Variants in FHIT observed in about 807,000 individuals in gnomAD.
FHIT encodes the protein bis(5'-adenosyl)-triphosphatase.
FHIT carries 19 observed loss-of-function variants against 17.9 expected under a neutral mutation model. The ratio of observed to expected loss-of-function variants is 1.06; its 90% confidence interval spans 0.74 to 1.56. FHIT has a LOEUF of 1.56. Among genes scored for constraint, FHIT ranks in the 40% most tolerant of loss-of-function variants. The probability of loss-of-function intolerance (pLI) is 0.00; values close to 1 mark genes in which losing one functional copy is unlikely to be tolerated. For synonymous variants in FHIT, 81 were observed against 69.7 expected (o/e 1.16, Z -0.81); for missense variants, 248 against 189.2 (o/e 1.31, Z -1.82).
At chr3:61,026,495 C>T (rs961073083) in intron 3 of FHIT, among the ~76,000 whole-genome samples, 7 of 152,132 alleles carry the variant, frequency 4.6e-5, no homozygotes, top group Admixed American at 3.9e-4. Context: ...CACTTTTTTT[C>T]GCCAGCCTTA....
At chr3:60,631,595 A>T (rs1214988952) in intron 4 of FHIT, among the ~76,000 whole-genome samples, 1 of 152,126 alleles carries the variant, frequency 6.6e-6, no homozygotes, top group African/African-American at 2.4e-5. Flanking sequence ...TGGCAGGGGG[A>T]GGGGAGATAA....
At chr3:61,207,636 G>A (rs185716851) in intron 1 of FHIT, among the ~76,000 whole-genome samples, 2 of 152,158 alleles carry the variant, frequency 1.3e-5, no homozygotes, top group Non-Finnish European at 2.9e-5. Flanking sequence ...TCTGATGGTA[G>A]TTTGTATTTC....
At chr3:59,936,691 G>T (rs755084492) in intron 7 of FHIT, among the ~76,000 whole-genome samples, 4 of 152,028 alleles carry the variant, frequency 2.6e-5, no homozygotes, top group Non-Finnish European at 5.9e-5. Flanking sequence ...GTCCAAAGGG[G>T]AAAAAATGTT....
chr3:60,145,674 A>C (rs1283432857), intron 5 of FHIT, among the ~76,000 whole-genome samples: 2 of 152,200 alleles, frequency 1.3e-5, no homozygotes, highest in Non-Finnish European at 2.9e-5. Flanking sequence ...AGTTTGACTC[A>C]ACTGACTATT....
At chr3:60,652,727 C>CAAAA (rs782637479) in intron 4 of FHIT, among the ~76,000 whole-genome samples, 7 of 58,996 alleles carry the variant, frequency 1.2e-4, no homozygotes, top group African/African-American at 2.5e-4. Context: ...GACTCCATCT[C>CAAAA]AAAAAAAAAA....
chr3:59,875,941 A>C (rs948770700), intron 8 of FHIT, among the ~76,000 whole-genome samples: 7 of 131,370 alleles, frequency 5.3e-5, no homozygotes, highest in African/African-American at 2.1e-4. Flanking sequence ...TGTTTGATAA[A>C]AAAAGAAAAA....
At chr3:60,064,110 T>C (rs1702402194) in intron 5 of FHIT, among the ~76,000 whole-genome samples, 1 of 152,172 alleles carries the variant, frequency 6.6e-6, no homozygotes, top group South Asian at 2.1e-4. Context: ...GGCCAGCATG[T>C]CAGAGAAGAG....
At chr3:60,049,949 T>C (rs1008859262) in intron 5 of FHIT, among the ~76,000 whole-genome samples, 7 of 152,186 alleles carry the variant, frequency 4.6e-5, no homozygotes, top group African/African-American at 1.7e-4. Context: ...TCCTCACTAA[T>C]ACTTATTATG....
chr3:61,106,803 G>A (rs759429547), intron 2 of FHIT, among the ~76,000 whole-genome samples: 6 of 152,074 alleles, frequency 3.9e-5, no homozygotes, highest in Non-Finnish European at 7.4e-5. Context: ...TGGGACTACC[G>A]GCATGAGCCA....
intron 2 of FHIT, among the ~76,000 whole-genome samples, chr3:61,124,654 T>C (rs2036556801): frequency 6.6e-6 from 1 of 152,190 alleles, no homozygotes; most frequent in African/African-American, 2.4e-5. Flanking sequence ...CAAATACTCT[T>C]TCGCGATATA....
intron 3 of FHIT, among the ~76,000 whole-genome samples, chr3:60,983,796 C>T (rs1364964406): frequency 6.6e-6 from 1 of 152,156 alleles, no homozygotes; most frequent in Non-Finnish European, 1.5e-5. Flanking sequence ...AGCTTGCACT[C>T]ATGGCAGACA....
chr3:60,189,505 C>G lies in FHIT; in HGVS notation c.104-175353G>C, dbSNP rs213426. ...GCTGAATGCTACAACTCCGCCCTAC[C>G]CCCATTCTTCCTTCCTTCTTATAAG... On this transcript the variant is annotated intron_variant, in intron 5 of 9. Coordinates refer to ENST00000492590, the MANE Select transcript of FHIT (RefSeq NM_002012.4). Among the ~76,000 whole-genome samples, 7 of 152,054 alleles carry G rather than the reference C, an allele frequency of 4.6e-5. No homozygotes were observed. The East Asian group carries it at 1.4e-3, about 29-fold the overall frequency.
At chr3:59,953,238 G>C (rs1707212737) in intron 7 of FHIT, among the ~76,000 whole-genome samples, 1 of 151,568 alleles carries the variant, frequency 6.6e-6, no homozygotes, top group Non-Finnish European at 1.5e-5. Context: ...CTCTTTCTTG[G>C]TTTCTCTGTG....
rs554775986 is a variant in FHIT, at chr3:60,555,260, C to CA, written c.-17-18282dup. On this transcript the variant is annotated intron_variant, in intron 4 of 9. Transcript: ENST00000492590. Reference sequence around the variant, plus strand: ...TCGGTTAAAGGAAATCATAAAAAGTCAAACTATAGCCTCTGTGTTATGTCC... The same window carrying CA: ...TCGGTTAAAGGAAATCATAAAAAGTCAAAACTATAGCCTCTGTGTTATGTCC... Among the ~76,000 whole-genome samples the CA allele has an allele frequency of 7.9e-5, 12 of 152,324 alleles. No homozygotes were observed. The South Asian group carries it at 2.1e-3, about 26-fold the overall frequency.
At chr3:59,937,376 C>T (rs1265137448) in intron 7 of FHIT, among the ~76,000 whole-genome samples, 3 of 152,104 alleles carry the variant, frequency 2.0e-5, no homozygotes, top group African/African-American at 4.8e-5. Flanking sequence ...CTCTGCAGAG[C>T]GGTGATGAAA....
chr3:60,798,293 A>G (rs1295757067), intron 4 of FHIT, among the ~76,000 whole-genome samples: 27 of 152,222 alleles, frequency 1.8e-4, no homozygotes, highest in Admixed American at 1.7e-3. Flanking sequence ...AGAAAAAATA[A>G]CTTAATTGGA....
chr3:61,033,645 C>A (rs1216300103), intron 3 of FHIT, among the ~76,000 whole-genome samples: 1 of 151,948 alleles, frequency 6.6e-6, no homozygotes, highest in Admixed American at 6.6e-5. Flanking sequence ...AGGAAAGACT[C>A]CAGTATGTAT....
intron 4 of FHIT, among the ~76,000 whole-genome samples, chr3:60,542,466 C>A (rs1384752098): frequency 6.6e-6 from 1 of 152,174 alleles, no homozygotes; most frequent in Non-Finnish European, 1.5e-5. Flanking sequence ...GTACTTCCTG[C>A]TTTCCAAGTT....
intron 8 of FHIT, among the ~76,000 whole-genome samples, chr3:59,800,393 C>T (rs1423278548): frequency 2.0e-5 from 3 of 152,184 alleles, no homozygotes; most frequent in Non-Finnish European, 4.4e-5. Flanking sequence ...CTCACACCTG[C>T]TTTATGGTAA....
Sources: allele counts gnomAD v4.1 joint callset (sites outside exome capture counted in the v4.1 genomes callset), GRCh38; gene constraint gnomAD v4.1.1; transcripts MANE v1.5; gene names NCBI Gene and HGNC (gene_info 2026-07-23, HGNC 2026-07-21).